The following MAN1C1 variants were observed in gnomAD, a reference collection of about 807,000 sequenced individuals.
MAN1C1 encodes the protein mannosidase alpha class 1C member 1.
MAN1C1 carries 49 observed loss-of-function variants against 71.5 expected under a neutral mutation model. The observed-to-expected ratio is 0.69, with a 90% confidence interval of 0.54 to 0.87. The LOEUF (loss-of-function observed/expected upper bound fraction) is 0.87. Ranked by LOEUF, MAN1C1 falls within the 40% of genes least tolerant of loss-of-function variation. The pLI is 0.00. For synonymous variants in MAN1C1, 352 were observed against 343.7 expected (o/e 1.02, Z -0.27); for missense variants, 743 against 835.0 (o/e 0.89, Z 1.36).
chr1:25,684,580 C>T (rs1380366888), intron 1 of MAN1C1, among the ~76,000 whole-genome samples: 19 of 152,314 alleles, frequency 1.2e-4, no homozygotes, highest in Admixed American at 2.0e-4. Context: ...TGCCATTTCA[C>T]GGAGAGTCCA....
At chr1:25,638,949 C>T (rs2045501305) in intron 1 of MAN1C1, among the ~76,000 whole-genome samples, 1 of 152,036 alleles carries the variant, frequency 6.6e-6, no homozygotes, top group Non-Finnish European at 1.5e-5. Flanking sequence ...TCTTCTCAGC[C>T]CATCTCCTTT....
intron 4 of MAN1C1, among the ~76,000 whole-genome samples, chr1:25,752,993 A>G (rs555797730): frequency 6.6e-6 from 1 of 152,230 alleles, no homozygotes; most frequent in Non-Finnish European, 1.5e-5. Flanking sequence ...GAACGGCACC[A>G]CCTGTTCCCA....
chr1:25,663,486 CAATT>C (rs1351938174), intron 1 of MAN1C1, among the ~76,000 whole-genome samples: 5 of 152,146 alleles, frequency 3.3e-5, no homozygotes, highest in Non-Finnish European at 1.5e-5. Flanking sequence ...ATATTTAGAA[CAATT>C]AATCTACTGT....
intron 5 of MAN1C1, among the ~76,000 whole-genome samples, chr1:25,756,848 T>C (rs2047293021): frequency 1.3e-5 from 2 of 152,310 alleles, no homozygotes; most frequent in Admixed American, 6.5e-5. Flanking sequence ...TGCAAACTGC[T>C]TGTCCCCGTG....
chr1:25,747,965 T>C (rs1011518635), intron 3 of MAN1C1, among the ~76,000 whole-genome samples: 1 of 152,202 alleles, frequency 6.6e-6, no homozygotes, highest in African/African-American at 2.4e-5. Context: ...TTGAGGCTTG[T>C]TGACATTTCT....
chr1:25,628,052 C>T (rs573170120), intron 1 of MAN1C1, among the ~76,000 whole-genome samples: 1 of 152,058 alleles, frequency 6.6e-6, no homozygotes, highest in South Asian at 2.1e-4. Context: ...GTCTAAAAAA[C>T]TGAGATTTTG....
intron 2 of MAN1C1, among the ~76,000 whole-genome samples, chr1:25,718,061 T>TAC (rs2046707592): frequency 6.6e-6 from 1 of 152,114 alleles, no homozygotes; most frequent in African/African-American, 2.4e-5. Context: ...TATAGTTACA[T>TAC]CAAAATATTG....
At chr1:25,627,674 G>A (rs1481600361) in intron 1 of MAN1C1, among the ~76,000 whole-genome samples, 1 of 151,992 alleles carries the variant, frequency 6.6e-6, no homozygotes, top group African/African-American at 2.4e-5. Flanking sequence ...AAATTGCTTT[G>A]GCCATTGTAG....
chr1:25,748,273 G>A (rs947271982), intron 3 of MAN1C1, among the ~76,000 whole-genome samples: 6 of 152,196 alleles, frequency 3.9e-5, no homozygotes, highest in Non-Finnish European at 8.8e-5. Context: ...GATGACCCTC[G>A]CCACACTGAC....
At chr1:25,675,160 T>G (rs2046046521) in intron 1 of MAN1C1, among the ~76,000 whole-genome samples, 1 of 152,146 alleles carries the variant, frequency 6.6e-6, no homozygotes, top group Non-Finnish European at 1.5e-5. Flanking sequence ...TGGTGATTTC[T>G]GAGATTTTCG....
intron 1 of MAN1C1, among the ~76,000 whole-genome samples, chr1:25,680,660 A>G (rs1257759112): frequency 1.3e-5 from 2 of 152,174 alleles, no homozygotes; most frequent in East Asian, 3.8e-4. Context: ...TCCTTTTTCC[A>G]TCTGAATAAT....
In MAN1C1 at chr1:25,782,657, C is replaced by T; in HGVS notation, c.1723C>T (p.His575Tyr). 1 of 1,614,090 alleles carries T rather than the reference C, an allele frequency of 6.2e-7. No individual in the cohort carries two copies. Among genetic ancestry groups the T allele is most frequent in the African/African-American group, 1.3e-5 (1 of 75,012 alleles). ...AGACGTGTACAGTAGCACCCCCAAC[C>T]ACGACAACAAGCAGCAGAGCTTCTT... is the stretch of plus-strand genomic sequence containing the variant. ...IQDVYSSTPN[H>Y]DNKQQSFFLA... The change falls in exon 11 of 12, where the codon CAC becomes TAC. Residue 575 changes from histidine to tyrosine, a missense_variant. Coordinates refer to ENST00000374332, the MANE Select transcript of MAN1C1 (RefSeq NM_020379.4). This position sits in a 1 kb window ranked among gnomAD's most constrained non-coding sequence, Gnocchi z 4.4.
At position 25,753,446 on chromosome 1, in the gene MAN1C1, GC is replaced by G. The variant is rs778195837; in HGVS notation, c.835-36del. 24 of 1,542,314 alleles carry G rather than the reference GC, an allele frequency of 1.6e-5. No homozygotes were observed. In the Admixed American group the frequency reaches 3.3e-4, roughly 21 times the overall value. On this transcript the variant is annotated intron_variant, in intron 4 of 11. Transcript: ENST00000374332. The surrounding 1 kb of genome is among the most constrained non-coding windows in gnomAD (Gnocchi z 4.9). ...TCTGGGGTTGACCTTCCCTCACCCA[GC>G]CTGGAGTCAAAAGCCCTTTGATCCC...
intron 2 of MAN1C1, among the ~76,000 whole-genome samples, chr1:25,706,870 G>T (rs551139513): frequency 1.3e-5 from 2 of 152,164 alleles, no homozygotes; most frequent in Non-Finnish European, 2.9e-5. Flanking sequence ...AGTTCCAGCT[G>T]CCTGTGCCAT....
chr1:25,687,952 CT>C (rs913808442), intron 2 of MAN1C1, among the ~76,000 whole-genome samples: 10 of 150,790 alleles, frequency 6.6e-5, no homozygotes, highest in African/African-American at 9.7e-5. Flanking sequence ...GTCCTTTCTG[CT>C]TTTTTTTTGA....
chr1:25,697,425 C>T (rs1252209997), intron 2 of MAN1C1, among the ~76,000 whole-genome samples: 1 of 152,200 alleles, frequency 6.6e-6, no homozygotes, highest in African/African-American at 2.4e-5. Flanking sequence ...TATGGATATC[C>T]CACATTTTAT....
rs1256067923 is a variant in MAN1C1, at chr1:25,781,100, G to C, written c.1638G>C (p.Trp546Cys). ...ACCCCATCTACAGGGAGTGGGGCTG[G>C]GAGGTGGTGCTGGTGAGTGGGCCCC... ...THNPIYREWG[W>C]EVVLALEKYC... The change falls in exon 10 of 12, where the codon TGG (tryptophan) becomes TGC (cysteine). Residue 546 changes from tryptophan (W) to cysteine (C), a missense_variant. Transcript: ENST00000374332. 2.5e-6 allele frequency: 4 copies of C among 1,613,876 alleles called. No individual in the cohort carries two copies. The highest frequency in any genetic ancestry group is 3.4e-6 in the Non-Finnish European group (4 of 1,179,976).
Position 25,746,743 on chromosome 1 carries a change from A to G in MAN1C1, c.713A>G (p.Glu238Gly). 6.6e-7 allele frequency: 1 copy of G among 1,524,578 alleles called. No homozygotes were observed. 94.4% of individuals were successfully genotyped at this position (1,524,578 alleles called of 1,614,324 possible). Residue 238 changes from glutamate to glycine, a missense_variant, in exon 3 of 12, where the codon GAG (glutamate) becomes GGG (glycine). Coordinates refer to ENST00000374332, the MANE Select transcript of MAN1C1 (RefSeq NM_020379.4). This position sits in a 1 kb window ranked among gnomAD's most constrained non-coding sequence, Gnocchi z 4.0. ...YLMELKEEFQ[E>G]AKAWVGESFH... Reference sequence around the variant, plus strand: ...ATGGAGCTGAAGGAGGAGTTCCAGGAGGCCAAGGCCTGGGTGGGAGAGAGC... The same window carrying G: ...ATGGAGCTGAAGGAGGAGTTCCAGGGGGCCAAGGCCTGGGTGGGAGAGAGC...
At chr1:25,673,866 G>A (rs1400738785) in intron 1 of MAN1C1, among the ~76,000 whole-genome samples, 7 of 152,234 alleles carry the variant, frequency 4.6e-5, no homozygotes, top group African/African-American at 1.7e-4. Context: ...TGACGGTAAG[G>A]CTCAAATGAA....
Sources: gnomAD v4.1 joint callset for allele counts (sites outside exome capture counted in the v4.1 genomes callset) on GRCh38, gnomAD v4.1.1 for gene constraint, Gnocchi (gnomAD v3.1) non-coding constraint, MANE v1.5 for transcripts, NCBI Gene and HGNC (gene_info 2026-07-23, HGNC 2026-07-21) for gene names.